RNF144A: variants seen among roughly 807,000 people sequenced by gnomAD.
RNF144A encodes E3 ubiquitin-protein ligase RNF144A.
In RNF144A, 11 loss-of-function variants were observed where a neutral mutation model predicts 38.7. The observed-to-expected ratio is 0.28, with a 90% confidence interval of 0.18 to 0.47. The LOEUF is 0.47. Ranked by LOEUF, RNF144A falls within the 20% of genes least tolerant of loss-of-function variation. RNF144A has a pLI of 0.99. For missense variants in RNF144A, 316 were observed against 377.2 expected (o/e 0.84, Z 1.34); for synonymous variants, 149 against 143.9 (o/e 1.04, Z -0.25).
chr2:6,935,209 C>T (rs898480964), intron 1 of RNF144A, among the ~76,000 whole-genome samples: 1 of 152,146 alleles, frequency 6.6e-6, no homozygotes. Flanking sequence ...CCTGTTACTA[C>T]TTTAGCCATT....
Position 6,941,973 on chromosome 2 carries a change from T to A in RNF144A, c.-12+826T>A, listed in dbSNP as rs2103299044. 6.6e-6 allele frequency among the ~76,000 whole-genome samples: 1 copy of A among 152,382 alleles called. No individual in the cohort carries two copies. The highest frequency in any genetic ancestry group is 2.1e-4 in the South Asian group (1 of 4,830). On this transcript the variant is annotated intron_variant, in intron 2 of 8. Coordinates refer to ENST00000320892, the MANE Select transcript of RNF144A (RefSeq NM_014746.6). This position sits in a 1 kb window ranked among gnomAD's most constrained non-coding sequence, Gnocchi z 6.5. The stretch of plus-strand genomic sequence containing the variant: ...AGGCTGTGGGGGAATTCTAGGTTCA[T>A]GATGGGATATCAGTGTAGGGTTTTA...
chr2:6,986,084 T>C (rs1314110542), intron 2 of RNF144A, among the ~76,000 whole-genome samples: 2 of 152,158 alleles, frequency 1.3e-5, no homozygotes, highest in Admixed American at 6.5e-5. Context: ...GCAGAAGGAA[T>C]GAAGGCTGCA....
At chr2:7,069,561 C>G (rs1018052000), downstream of RNF144A, among the ~76,000 whole-genome samples, 5 of 152,264 alleles carry the variant, frequency 3.3e-5, no homozygotes, top group Admixed American at 6.5e-5. Context: ...CCATCTTTCC[C>G]ACTCCTTCTC....
At chr2:7,031,352 C>G (rs367495) in intron 8 of RNF144A, among the ~76,000 whole-genome samples, 34,252 of 152,224 alleles carry the variant, frequency 0.23, 4,628 homozygotes, top group Admixed American at 0.31. Flanking sequence ...TTCTACGGAA[C>G]TACGTTCTGT....
At chr2:7,033,442 G>T (rs975181299) in intron 8 of RNF144A, among the ~76,000 whole-genome samples, 2 of 152,252 alleles carry the variant, frequency 1.3e-5, no homozygotes, top group Non-Finnish European at 2.9e-5. Context: ...CTGAGCATGG[G>T]TCTTGGCAGC....
chr2:6,939,144 T>G (rs1202583625), intron 1 of RNF144A, among the ~76,000 whole-genome samples: 1 of 152,216 alleles, frequency 6.6e-6, no homozygotes, highest in Non-Finnish European at 1.5e-5. Context: ...TGTTCAACAC[T>G]TTGAGGAGCT....
At chr2:6,987,191 G>T (rs889050889) in intron 2 of RNF144A, among the ~76,000 whole-genome samples, 3 of 152,272 alleles carry the variant, frequency 2.0e-5, no homozygotes, top group Non-Finnish European at 4.4e-5. Flanking sequence ...TAGAAATAAA[G>T]AATGAGTTTC....
At chr2:6,936,399 A>G (rs1307348927) in intron 1 of RNF144A, among the ~76,000 whole-genome samples, 1 of 152,026 alleles carries the variant, frequency 6.6e-6, no homozygotes, top group African/African-American at 2.4e-5. Flanking sequence ...CTATAGATGC[A>G]TGTGTGTGTG....
intron 2 of RNF144A, among the ~76,000 whole-genome samples, chr2:6,974,518 G>A (rs910788723): frequency 6.6e-6 from 1 of 151,860 alleles, no homozygotes; most frequent in Non-Finnish European, 1.5e-5. Context: ...AAACATGTTA[G>A]CTATTATTAG....
At chr2:6,953,165 ACC>A (rs1214114889) in intron 2 of RNF144A, among the ~76,000 whole-genome samples, 2 of 152,262 alleles carry the variant, frequency 1.3e-5, no homozygotes, top group East Asian at 3.9e-4. Flanking sequence ...AGTGGCTCAC[ACC>A]GGTAATCCCA....
chr2:7,041,347 C>A lies in RNF144A; in HGVS notation c.*1587C>A, dbSNP rs3732330. On this transcript the variant is annotated 3_prime_UTR_variant, in exon 9 of 9. Coordinates refer to ENST00000320892, the MANE Select transcript of RNF144A (RefSeq NM_014746.6). ...ATTTCTTATTTCCTAACATTGAATT[C>A]GTTAGAAAAAACAGCGTCACCTCAC... The A allele has an allele frequency of 1.4e-5, 14 of 985,516 alleles. No homozygotes were observed. The highest frequency in any genetic ancestry group is 8.7e-5 in the African/African-American group (5 of 57,268). 61.0% of individuals were successfully genotyped at this position (985,516 alleles called of 1,614,324 possible).
intron 3 of RNF144A, among the ~76,000 whole-genome samples, chr2:6,999,099 A>G (rs1268314737): frequency 6.6e-6 from 1 of 152,262 alleles, no homozygotes; most frequent in Non-Finnish European, 1.5e-5. Flanking sequence ...CCAAAAGCCT[A>G]ACCAAAGTCA....
At chr2:6,960,219 G>A (rs897050026) in intron 2 of RNF144A, among the ~76,000 whole-genome samples, 5 of 152,238 alleles carry the variant, frequency 3.3e-5, no homozygotes, top group Non-Finnish European at 7.3e-5. Flanking sequence ...TTCCCTCGGA[G>A]TAGACTAGGG....
intron 5 of RNF144A, among the ~76,000 whole-genome samples, chr2:7,019,045 G>A (rs1424076215): frequency 6.6e-6 from 1 of 152,178 alleles, no homozygotes; most frequent in Admixed American, 6.5e-5. Flanking sequence ...CAACAGCAAA[G>A]CCCAGTAGCT....
downstream of RNF144A, among the ~76,000 whole-genome samples, chr2:7,048,690 G>A (rs1306289427): frequency 6.6e-6 from 1 of 152,160 alleles, no homozygotes; most frequent in Non-Finnish European, 1.5e-5. Context: ...TTCCTTGGCA[G>A]CAAAGTACTT....
intron 2 of RNF144A, among the ~76,000 whole-genome samples, chr2:6,964,130 T>C (rs941579521): frequency 2.6e-5 from 4 of 152,156 alleles, no homozygotes; most frequent in African/African-American, 9.7e-5. Flanking sequence ...GCTTCCAATG[T>C]GAATTTTCAT....
At position 7,064,216 on chromosome 2, in the gene RNF144A, T is replaced by A. The variant is rs571398381; in HGVS notation, c.735-4000T>A. Among the ~76,000 whole-genome samples the A allele has an allele frequency of 6.4e-4, 97 of 152,264 alleles. 1 individual carries two copies. Among genetic ancestry groups the A allele is most frequent in the African/African-American group, 2.1e-3 (87 of 41,536 alleles). On this transcript the variant is annotated intron_variant, in intron 6 of 6. Coordinates refer to the RNF144A transcript ENST00000432850. ...CATTGTGGATTAGGTTTCCTGTGCA[T>A]GAACTTTTGGAAGACACATTAAAAT...
chr2:7,073,267 G>A (rs561703171), downstream of RNF144A, among the ~76,000 whole-genome samples: 5 of 152,212 alleles, frequency 3.3e-5, no homozygotes, highest in South Asian at 2.1e-4. Flanking sequence ...CTCACCCCAC[G>A]TTTGGCTGTT....
chr2:6,967,087 C>T (rs1558390965), intron 2 of RNF144A, among the ~76,000 whole-genome samples: 1 of 152,174 alleles, frequency 6.6e-6, no homozygotes, highest in African/African-American at 2.4e-5. Context: ...CCCCCATATG[C>T]CTGTATGATG....
Sources: gnomAD v4.1 joint callset for allele counts (sites outside exome capture counted in the v4.1 genomes callset) on GRCh38, gnomAD v4.1.1 for gene constraint, Gnocchi (gnomAD v3.1) non-coding constraint, MANE v1.5 for transcripts, NCBI Gene and HGNC (gene_info 2026-07-23, HGNC 2026-07-21) for gene names.